Variants in RGS7 observed in about 807,000 individuals in gnomAD.
The protein encoded by RGS7 is regulator of G protein signaling 7, also known as regulator of G-protein signaling 7.
In RGS7, 27 loss-of-function variants were observed where a neutral mutation model predicts 81.1. That is an observed-to-expected ratio of 0.33 (90% confidence interval 0.25 to 0.46). RGS7 has a LOEUF of 0.46. Ranked by LOEUF, RGS7 falls within the 20% of genes least tolerant of loss-of-function variation. RGS7 has a pLI of 1.00. For missense variants in RGS7, 396 were observed against 607.4 expected (o/e 0.65, Z 3.66); for synonymous variants, 208 against 207.7 (o/e 1.00, Z -0.01).
chr1:240,795,861 AT>A (rs1323235222), intron 18 of RGS7, among the ~76,000 whole-genome samples: 8 of 152,324 alleles, frequency 5.3e-5, no homozygotes, highest in African/African-American at 1.7e-4. Context: ...CAAAATGCTA[AT>A]TGGAGCTGTG....
intron 2 of RGS7, among the ~76,000 whole-genome samples, chr1:241,227,733 G>A (rs1177128227): frequency 6.6e-6 from 1 of 150,520 alleles, no homozygotes; most frequent in Non-Finnish European, 1.5e-5. Context: ...AGGTAACACA[G>A]CAAGACCTTG....
At chr1:241,003,265 T>A (rs1484020588) in intron 3 of RGS7, among the ~76,000 whole-genome samples, 1 of 151,884 alleles carries the variant, frequency 6.6e-6, no homozygotes, top group African/African-American at 2.4e-5. Context: ...ATCAAGACCA[T>A]CCTGGCTAGC....
chr1:240,889,354 C>A (rs1195115062), intron 6 of RGS7, among the ~76,000 whole-genome samples: 1 of 152,126 alleles, frequency 6.6e-6, no homozygotes, highest in African/African-American at 2.4e-5. Flanking sequence ...AGGGGGACTG[C>A]CCTGAGCAGA....
chr1:241,092,735 T>C (rs2063967127), intron 3 of RGS7, among the ~76,000 whole-genome samples: 1 of 152,142 alleles, frequency 6.6e-6, no homozygotes, highest in South Asian at 2.1e-4. Flanking sequence ...AAACCACTCC[T>C]TACCACAAAG....
rs998615956 is a variant in RGS7 at position 241,119,696 on chromosome 1, G to A, written c.79-20934C>T. Among the ~76,000 whole-genome samples, 87 of 152,214 alleles carry A rather than the reference G, an allele frequency of 5.7e-4. 2 individuals are homozygous for A. Among genetic ancestry groups the A allele is most frequent in the Admixed American group, 3.7e-3 (57 of 15,288 alleles). On this transcript the variant is annotated intron_variant, in intron 2 of 18. Coordinates refer to ENST00000440928, the MANE Select transcript of RGS7 (RefSeq NM_001364886.1). ...TATCACCACTGATACAATGAGAAAAGCCTTTTACTATTGGAAAGCTCCCAG... is the reference window on the plus strand; with the variant it reads ...TATCACCACTGATACAATGAGAAAAACCTTTTACTATTGGAAAGCTCCCAG...
chr1:241,245,281 T>C (rs2148169153), intron 2 of RGS7, among the ~76,000 whole-genome samples: 1 of 152,112 alleles, frequency 6.6e-6, no homozygotes, highest in East Asian at 1.9e-4. Flanking sequence ...ACTATCCCCC[T>C]AGTGCTGTCT....
At chr1:240,778,215 T>G (rs1473586275) in intron 18 of RGS7, among the ~76,000 whole-genome samples, 2 of 151,892 alleles carry the variant, frequency 1.3e-5, no homozygotes, top group East Asian at 1.9e-4. Flanking sequence ...CTAATGACCT[T>G]CCAAAGGCCC....
At chr1:240,917,694 G>A (rs1672824622) in intron 6 of RGS7, among the ~76,000 whole-genome samples, 1 of 152,038 alleles carries the variant, frequency 6.6e-6, no homozygotes, top group African/African-American at 2.4e-5. Flanking sequence ...GAAAGAGACA[G>A]GAAGACAAAA....
intron 2 of RGS7, among the ~76,000 whole-genome samples, chr1:241,209,917 T>C (rs2686217): frequency 0.041 from 6,293 of 152,062 alleles, 434 homozygotes; most frequent in African/African-American, 0.14. Context: ...ATCTTTAGAG[T>C]ACCTTATTGG....
chr1:241,109,685 C>T (rs1261451490), intron 2 of RGS7, among the ~76,000 whole-genome samples: 1 of 152,016 alleles, frequency 6.6e-6, no homozygotes, highest in Non-Finnish European at 1.5e-5. Context: ...TGGCCGGGCG[C>T]AGTGGCTCAC....
chr1:241,249,060 A>G (rs116531046), intron 2 of RGS7, among the ~76,000 whole-genome samples: 4,070 of 152,274 alleles, frequency 0.027, 183 homozygotes, highest in African/African-American at 0.091. Flanking sequence ...CTCCCAATCT[A>G]TATCTTGTCT....
At chr1:241,348,567 TG>T (rs946905239) in intron 2 of RGS7, among the ~76,000 whole-genome samples, 89 of 152,340 alleles carry the variant, frequency 5.8e-4, no homozygotes, top group African/African-American at 2.1e-3. Flanking sequence ...TCAAGCTGCG[TG>T]ACTTCAGGCA....
chr1:241,203,238 T>C (rs2073647138), intron 2 of RGS7, among the ~76,000 whole-genome samples: 1 of 152,062 alleles, frequency 6.6e-6, no homozygotes, highest in Non-Finnish European at 1.5e-5. Context: ...GCTTCTTTTT[T>C]TATTTTTATT....
intron 2 of RGS7, among the ~76,000 whole-genome samples, chr1:241,161,236 A>G: frequency 6.6e-6 from 1 of 152,136 alleles, no homozygotes. Flanking sequence ...AATGTATCCA[A>G]AAGTAGCCAT....
In RGS7 at chr1:241,229,925, T is replaced by C. The variant is rs113642280; in HGVS notation, c.78+125774A>G. 4.2e-3 allele frequency among the ~76,000 whole-genome samples: 646 copies of C among 152,332 alleles called. 6 individuals carry two copies. Among genetic ancestry groups the C allele is most frequent in the African/African-American group, 0.015 (621 of 41,566 alleles). ...CATAGAGATTGACTGTGTTAAAATATATTGTTGAGGATCTGTAACAGGAAA... is the reference window on the plus strand; with the variant it reads ...CATAGAGATTGACTGTGTTAAAATACATTGTTGAGGATCTGTAACAGGAAA... On this transcript the variant is annotated intron_variant, in intron 2 of 18. Coordinates refer to ENST00000440928, the MANE Select transcript of RGS7 (RefSeq NM_001364886.1).
chr1:240,960,801 T>C (rs977736949), intron 4 of RGS7, among the ~76,000 whole-genome samples: 22 of 152,122 alleles, frequency 1.4e-4, no homozygotes, highest in African/African-American at 5.1e-4. Context: ...GGAAACTTAA[T>C]TTATAAAAGC....
chr1:241,281,818 G>A (rs1311200936), intron 2 of RGS7, among the ~76,000 whole-genome samples: 5 of 152,064 alleles, frequency 3.3e-5, no homozygotes, highest in African/African-American at 1.2e-4. Flanking sequence ...GTTATGAATT[G>A]CATTCAACTT....
chr1:240,870,170 A>G (rs1664227864), intron 6 of RGS7, 51 bp from the exon 7 acceptor site: 3 of 1,501,520 alleles, frequency 2.0e-6, no homozygotes, highest in Non-Finnish European at 2.8e-6. Context: ...CCATGGCACT[A>G]TAAGTAAAAG....
Position 240,870,346 on chromosome 1 carries a change from T to A in RGS7, c.386-227A>T, listed in dbSNP as rs944589317. Among the ~76,000 whole-genome samples, 3 of 152,154 alleles carry A rather than the reference T, an allele frequency of 2.0e-5. No individual in the cohort carries two copies. In the South Asian group the frequency reaches 6.2e-4, roughly 32 times the overall value. ...AATATGCTAAGAAACTTGGTAACTT[T>A]TTTTTTTCAGAGATGGTCTTACTCT... is the stretch of plus-strand genomic sequence containing the variant. On this transcript the variant is annotated intron_variant, in intron 6 of 18. Transcript: ENST00000440928.
Sources: allele counts gnomAD v4.1 joint callset (sites outside exome capture counted in the v4.1 genomes callset), GRCh38; gene constraint gnomAD v4.1.1; transcripts MANE v1.5; gene names NCBI Gene and HGNC (gene_info 2026-07-23, HGNC 2026-07-21).